Variants in DZIP1L observed in about 807,000 individuals in gnomAD.
DZIP1L encodes the protein DAZ interacting zinc finger protein 1 like, also known as cilium assembly protein DZIP1L.
DZIP1L carries 90 observed loss-of-function variants against 88.7 expected under a neutral mutation model. The observed-to-expected ratio is 1.02, with a 90% confidence interval of 0.86 to 1.21. The LOEUF is 1.21. Ranked by LOEUF, DZIP1L falls within the 50% of genes most tolerant of loss-of-function variation. DZIP1L has a pLI of 0.00. For missense variants in DZIP1L, 932 were observed against 955.8 expected, an observed-to-expected ratio of 0.98 and a Z score of 0.33; for synonymous variants, 363 against 372.1, an observed-to-expected ratio of 0.98 and a Z score of 0.28.
intron 11 of DZIP1L, among the ~76,000 whole-genome samples, chr3:138,076,994 A>G (rs1943443299): frequency 6.6e-6 from 1 of 152,072 alleles, no homozygotes; most frequent in Admixed American, 6.5e-5. Flanking sequence ...CTGCTAAAAA[A>G]CTATAGGAAA....
At chr3:138,101,756 T>C (rs1212879360) in intron 2 of DZIP1L, 7 of 991,618 alleles carry the variant, frequency 7.1e-6, no homozygotes, top group African/African-American at 4.7e-5. Flanking sequence ...TCCAGCAGCT[T>C]CCTATAGGTG....
chr3:138,105,585 A>T (rs1022953680), intron 1 of DZIP1L, among the ~76,000 whole-genome samples: 1 of 152,132 alleles, frequency 6.6e-6, no homozygotes, highest in African/African-American at 2.4e-5. Flanking sequence ...TAGCTGTTAT[A>T]CTTAATTATT....
chr3:138,108,604 G>C (rs2042559641), intron 1 of DZIP1L, among the ~76,000 whole-genome samples: 2 of 152,210 alleles, frequency 1.3e-5, no homozygotes, highest in Middle Eastern at 3.4e-3. Flanking sequence ...CTAGGAATGA[G>C]CTCACAGCTT....
At position 138,080,578 on chromosome 3, in the gene DZIP1L, G is replaced by A. The variant is rs149313849; in HGVS notation, c.1277C>T (p.Ser426Phe). The change falls in exon 10 of 16, where the codon TCT becomes TTT. Residue 426 changes from serine (S) to phenylalanine (F), a missense_variant. By Grantham distance (155) the Ser-to-Phe change is radical. Coordinates refer to ENST00000327532, the MANE Select transcript of DZIP1L (RefSeq NM_173543.3). ...VPKAVDTEED[S>F]PEEEMEDSQD... ...AAGTAAGGTCCCACCTTCCTCTGGA[G>A]AGTCCTCCTCTGTGTCCACAGCCTT... is the stretch of plus-strand genomic sequence containing the variant. The A allele has an allele frequency of 1.1e-3, 1,700 of 1,613,898 alleles. 34 individuals carry two copies. The South Asian group carries it at 0.018, about 17-fold the overall frequency.
intron 2 of DZIP1L, among the ~76,000 whole-genome samples, chr3:138,100,279 C>T (rs1944673338): frequency 6.6e-6 from 1 of 152,178 alleles, no homozygotes. Flanking sequence ...TAGAGAATTT[C>T]CAGATTGGTA....
At position 138,092,444 on chromosome 3, in the gene DZIP1L, A is replaced by G; in HGVS notation, c.809T>C (p.Leu270Pro). ...AAATTCATCCCAAAATAATTTTTTT[A>G]GTTTATCTATTTCCCCATAAAGTTT... is the stretch of plus-strand genomic sequence containing the variant. The part of the protein sequence containing the change: ...WTKLYGEIDK[L>P]KKLFWDEFKN... Residue 270 changes from leucine (L) to proline (P), a missense_variant, in exon 5 of 16, where the codon CTA (leucine) becomes CCA (proline). Leu to Pro is a moderately conservative substitution (Grantham distance 98, BLOSUM62 -3). Transcript: ENST00000327532. The G allele has an allele frequency of 1.9e-6, 3 of 1,606,586 alleles. No individual in the cohort carries two copies. Among genetic ancestry groups the G allele is most frequent in the Non-Finnish European group, 2.5e-6 (3 of 1,177,282 alleles).
intron 3 of DZIP1L, among the ~76,000 whole-genome samples, chr3:138,096,678 T>C (rs72973035): frequency 0.026 from 3,892 of 152,304 alleles, 156 homozygotes; most frequent in African/African-American, 0.088. Context: ...AAAAAAAATT[T>C]AAGGCATGGA....
At chr3:138,104,308 G>A (rs1025333752) in intron 1 of DZIP1L, among the ~76,000 whole-genome samples, 2 of 152,246 alleles carry the variant, frequency 1.3e-5, no homozygotes, top group African/African-American at 4.8e-5. Flanking sequence ...GGAGGAACAT[G>A]GGTCCCACTG....
intron 4 of DZIP1L, among the ~76,000 whole-genome samples, chr3:138,092,769 T>C (rs890984874): frequency 2.0e-5 from 3 of 152,228 alleles, no homozygotes; most frequent in Non-Finnish European, 4.4e-5. Flanking sequence ...AAGAAACTAC[T>C]TTATTTGCTC....
chr3:138,083,090 A>C (rs1461764144), intron 8 of DZIP1L, among the ~76,000 whole-genome samples: 3 of 152,254 alleles, frequency 2.0e-5, no homozygotes, highest in Non-Finnish European at 2.9e-5. Flanking sequence ...ATCTTTAGCC[A>C]ATAGGTTCCT....
At chr3:138,106,127 C>CTTTTTTTTTTTT (rs56146259) in intron 1 of DZIP1L, among the ~76,000 whole-genome samples, 3 of 64,532 alleles carry the variant, frequency 4.6e-5, no homozygotes, top group African/African-American at 6.2e-5. Context: ...AGTCTTCTTT[C>CTTTTTTTTTTTT]TTTTTTTTTT....
chr3:138,064,582 T>G lies in DZIP1L; in HGVS notation c.2142+46A>C, dbSNP rs768867888. On this transcript the variant is annotated intron_variant, in intron 15 of 15. Coordinates refer to ENST00000327532, the MANE Select transcript of DZIP1L (RefSeq NM_173543.3). ...CCAGGCCCCCCAAACTCAGAGCTGG[T>G]TCTGTAGAGAATTCCAGAGTAAACT... 22 of 1,613,850 alleles carry G rather than the reference T, an allele frequency of 1.4e-5. No homozygotes were observed. In the East Asian group the frequency reaches 4.9e-4, roughly 36 times the overall value.
chr3:138,095,897 G>T (rs1944449178), intron 3 of DZIP1L, among the ~76,000 whole-genome samples: 1 of 152,042 alleles, frequency 6.6e-6, no homozygotes, highest in Non-Finnish European at 1.5e-5. Flanking sequence ...GATTCAGAAT[G>T]AATTATAAAA....
intron 1 of DZIP1L, among the ~76,000 whole-genome samples, chr3:138,111,750 T>C (rs2042623953): frequency 6.6e-6 from 1 of 152,088 alleles, no homozygotes; most frequent in South Asian, 2.1e-4. Flanking sequence ...ATCCCAGCAC[T>C]TTGGGAGGCT....
intron 10 of DZIP1L, among the ~76,000 whole-genome samples, chr3:138,080,095 C>G (rs1943577514): frequency 6.6e-6 from 1 of 152,174 alleles, no homozygotes; most frequent in Non-Finnish European, 1.5e-5. Context: ...GTGCCCAATG[C>G]TCTGACAAGG....
Position 138,068,279 on chromosome 3 carries a change from C to G in DZIP1L, c.1704G>C (p.Glu568Asp). The change falls in exon 13 of 16, where the codon GAG becomes GAC. Residue 568 changes from glutamate to aspartate, a missense_variant. Glu to Asp is a conservative substitution (Grantham distance 45). Coordinates refer to ENST00000327532, the MANE Select transcript of DZIP1L (RefSeq NM_173543.3). ...GGCTCTGACGAGTTGGTGGGGGTGGCTCTGCCGGTGTGGATGGCAAGGCCA... is the reference window on the plus strand; with the variant it reads ...GGCTCTGACGAGTTGGTGGGGGTGGGTCTGCCGGTGTGGATGGCAAGGCCA... Reference protein sequence around the residue: ...LQVALPSTPAEPPPPTRQSHG... With the variant: ...LQVALPSTPADPPPPTRQSHG... 6.3e-7 allele frequency: 1 copy of G among 1,597,816 alleles called. No individual in the cohort carries two copies. The highest frequency in any genetic ancestry group is 8.5e-7 in the Non-Finnish European group (1 of 1,171,536).
At chr3:138,074,004 A>C (rs2724705) in intron 11 of DZIP1L, among the ~76,000 whole-genome samples, 100,671 of 151,780 alleles carry the variant, frequency 0.66, 33,690 homozygotes, top group Non-Finnish European at 0.7. Flanking sequence ...CACAATCCAT[A>C]GAAGACAAAA....
intron 2 of DZIP1L, chr3:138,102,834 C>G (rs1559859826): frequency 3.6e-5 from 26 of 715,852 alleles, no homozygotes; most frequent in South Asian, 3.2e-4. Flanking sequence ...CAGCACTGGG[C>G]CCACTCATGT....
At chr3:138,081,412 T>C (rs1418698535) in intron 9 of DZIP1L, among the ~76,000 whole-genome samples, 1 of 152,124 alleles carries the variant, frequency 6.6e-6, no homozygotes, top group Admixed American at 6.5e-5. Flanking sequence ...TGAATCCTGA[T>C]TTTACTCATT....
Sources: allele counts gnomAD v4.1 joint callset (sites outside exome capture counted in the v4.1 genomes callset), GRCh38; gene constraint gnomAD v4.1.1; transcripts MANE v1.5; gene names NCBI Gene and HGNC (gene_info 2026-07-23, HGNC 2026-07-21).